Variants in PTPRM observed in about 807,000 individuals in gnomAD.
The protein encoded by PTPRM is receptor-type tyrosine-protein phosphatase mu.
PTPRM carries 47 observed loss-of-function variants against 186.7 expected under a neutral mutation model. The observed-to-expected ratio is 0.25, with a 90% CI of 0.20 to 0.32. PTPRM has a LOEUF of 0.32. PTPRM is among the 10% of genes least tolerant of loss of function. PTPRM has a pLI of 1.00. For missense variants in PTPRM, 1,494 were observed against 1,865.0 expected (o/e 0.80, Z 3.66); for synonymous variants, 668 against 674.9 (o/e 0.99, Z 0.16).
intron 1 of PTPRM, among the ~76,000 whole-genome samples, chr18:7,705,313 ATCTATCTATCTATCT>A (rs2040058010): frequency 6.6e-6 from 1 of 150,836 alleles, no homozygotes; most frequent in Admixed American, 6.6e-5. Context: ...CTATCTATCT[ATCTATCTATCTATCT>A]GTCTATCTAG....
intron 14 of PTPRM, among the ~76,000 whole-genome samples, chr18:8,200,061 T>A (rs1030922991): frequency 1.3e-5 from 2 of 152,332 alleles, no homozygotes; most frequent in Admixed American, 1.3e-4. Context: ...GACGAATGAC[T>A]GGTCTACAGG....
chr18:7,737,565 G>T (rs187202772), intron 1 of PTPRM, among the ~76,000 whole-genome samples: 1 of 152,338 alleles, frequency 6.6e-6, no homozygotes, highest in Non-Finnish European at 1.5e-5. Context: ...CAACCAGTGT[G>T]CATCTGGCTA....
chr18:8,017,972 C>T (rs780515899), intron 7 of PTPRM: 1 of 152,192 alleles, frequency 6.6e-6, no homozygotes, highest in Non-Finnish European at 1.5e-5. Flanking sequence ...CAAATGGAAA[C>T]TTCTTGCTAA....
Position 8,143,783 on chromosome 18 carries a change from A to G in PTPRM, c.2300+4A>G. On this transcript the variant is annotated splice_donor_region_variant and intron_variant, in intron 14 of 32. Coordinates refer to ENST00000580170, the MANE Select transcript of PTPRM (RefSeq NM_001105244.2). The stretch of plus-strand genomic sequence containing the variant: ...TTGTGTTGGTAATGAAGAAAAGGTG[A>G]GCTCCTAGCTGTTGCCAAAGATACA... 6.2e-7 allele frequency: 1 copy of G among 1,613,990 alleles called. No individual in the cohort carries two copies. The highest frequency in any genetic ancestry group is 2.2e-5 in the East Asian group (1 of 44,878).
chr18:8,052,710 TA>T (rs2087598130), intron 7 of PTPRM, among the ~76,000 whole-genome samples: 1 of 152,200 alleles, frequency 6.6e-6, no homozygotes, highest in Admixed American at 6.5e-5. Context: ...TGCCTAAGAA[TA>T]TAACAGCTGG....
intron 7 of PTPRM, among the ~76,000 whole-genome samples, chr18:8,016,174 A>G (rs2084845671): frequency 6.6e-6 from 1 of 152,150 alleles, no homozygotes; most frequent in Admixed American, 6.6e-5. Context: ...TGGGTGATCA[A>G]GTTTTTGCTT....
chr18:7,827,968 G>A (rs1333769801), intron 2 of PTPRM, among the ~76,000 whole-genome samples: 3 of 152,284 alleles, frequency 2.0e-5, no homozygotes, highest in East Asian at 1.9e-4. Context: ...GACCACAGGC[G>A]GTTCATCATC....
intron 1 of PTPRM, among the ~76,000 whole-genome samples, chr18:7,620,776 C>T (rs1486690337): frequency 6.6e-6 from 1 of 152,146 alleles, no homozygotes; most frequent in East Asian, 1.9e-4. Flanking sequence ...TACACTCTTT[C>T]TACTGCTGTA....
chr18:7,652,001 C>T (rs1458259119), intron 1 of PTPRM, among the ~76,000 whole-genome samples: 2 of 152,192 alleles, frequency 1.3e-5, no homozygotes, highest in Non-Finnish European at 2.9e-5. Context: ...GCAACCTACT[C>T]TTCTGACAAA....
At chr18:7,774,056 T>G in intron 1 of PTPRM, 93 bp from the exon 2 acceptor site, 1 of 1,313,852 alleles carries the variant, frequency 7.6e-7, no homozygotes. Flanking sequence ...GGCATCAAAC[T>G]TGGCATCAAG....
At chr18:8,275,612 C>T (rs770128622) in intron 19 of PTPRM, among the ~76,000 whole-genome samples, 2 of 152,168 alleles carry the variant, frequency 1.3e-5, no homozygotes, top group Non-Finnish European at 2.9e-5. Context: ...ATAGGGCACA[C>T]GCTGCTATAG....
At chr18:7,946,595 A>C (rs937775585) in intron 5 of PTPRM, among the ~76,000 whole-genome samples, 8 of 152,136 alleles carry the variant, frequency 5.3e-5, no homozygotes, top group African/African-American at 1.9e-4. Context: ...AGCAGAGAGG[A>C]ACCTTTCTCC....
At chr18:7,931,515 A>T (rs2051483394) in intron 5 of PTPRM, among the ~76,000 whole-genome samples, 1 of 152,176 alleles carries the variant, frequency 6.6e-6, no homozygotes, top group Non-Finnish European at 1.5e-5. Context: ...ATCCTGGCCA[A>T]CACTGTGAAA....
intron 7 of PTPRM, among the ~76,000 whole-genome samples, chr18:8,046,325 ATCT>A (rs1298493844): frequency 6.6e-6 from 1 of 152,198 alleles, no homozygotes; most frequent in Non-Finnish European, 1.5e-5. Context: ...TATTAGTGAA[ATCT>A]TCACTTGTCT....
chr18:7,896,825 T>C (rs919855231), intron 3 of PTPRM, among the ~76,000 whole-genome samples: 2 of 152,182 alleles, frequency 1.3e-5, no homozygotes, highest in Admixed American at 6.5e-5. Context: ...ACATCTTTCC[T>C]GGTAAAAGAG....
chr18:7,581,092 A>C (rs2036833531), intron 1 of PTPRM, among the ~76,000 whole-genome samples: 1 of 152,170 alleles, frequency 6.6e-6, no homozygotes, highest in Admixed American at 6.5e-5. Context: ...ATTCAAATGC[A>C]TGTTTTGTAG....
At chr18:7,895,867 A>G (rs1267737409) in intron 3 of PTPRM, among the ~76,000 whole-genome samples, 1 of 152,148 alleles carries the variant, frequency 6.6e-6, no homozygotes, top group Non-Finnish European at 1.5e-5. Flanking sequence ...TAATATTGAC[A>G]TTGTTAGACA....
chr18:8,350,560 G>A (rs1343013672), intron 23 of PTPRM, among the ~76,000 whole-genome samples: 1 of 152,130 alleles, frequency 6.6e-6, no homozygotes, highest in Non-Finnish European at 1.5e-5. Flanking sequence ...AGCCATCCTG[G>A]TGGTCTTTTA....
chr18:8,070,464 T>G (rs2089400148), intron 8 of PTPRM, among the ~76,000 whole-genome samples: 1 of 152,188 alleles, frequency 6.6e-6, no homozygotes, highest in African/African-American at 2.4e-5. Flanking sequence ...CAACACAGTC[T>G]TGAGAAACTG....
Sources: allele counts gnomAD v4.1 joint callset (sites outside exome capture counted in the v4.1 genomes callset), GRCh38; gene constraint gnomAD v4.1.1; transcripts MANE v1.5; gene names NCBI Gene and HGNC (gene_info 2026-07-23, HGNC 2026-07-21).